CTIF: variants seen among roughly 807,000 people sequenced by gnomAD.
CTIF encodes CBP80/20-dependent translation initiation factor.
CTIF carries 21 observed loss-of-function variants against 66.0 expected under a neutral mutation model. That is an observed-to-expected ratio of 0.32 (90% CI 0.23 to 0.46). The LOEUF is 0.46. CTIF is among the 20% of genes least tolerant of loss of function. The probability of loss-of-function intolerance (pLI) is 1.00; values close to 1 mark genes in which losing one functional copy is unlikely to be tolerated. For missense variants in CTIF, 739 were observed against 812.7 expected, an observed-to-expected ratio of 0.91 and a Z score of 1.10; for synonymous variants, 345 against 326.4, an observed-to-expected ratio of 1.06 and a Z score of -0.62.
chr18:48,602,850 AATGGATGGATGGATGGATGGATGGATGG>A (rs60224766), intron 1 of CTIF, among the ~76,000 whole-genome samples: 2 of 142,550 alleles, frequency 1.4e-5, no homozygotes, highest in Non-Finnish European at 3.1e-5. Flanking sequence ...TGGATGGATG[AATGGATGGATGGATGGATGGATGGATGG>A]ATGGATGGAT....
At chr18:48,590,714 AC>A (rs2089869908) in intron 1 of CTIF, among the ~76,000 whole-genome samples, 1 of 152,190 alleles carries the variant, frequency 6.6e-6, no homozygotes, top group Non-Finnish European at 1.5e-5. Context: ...CCTCGGGAGC[AC>A]GCAAATTGGG....
chr18:48,550,026 A>G (rs1041975355), intron 1 of CTIF, among the ~76,000 whole-genome samples: 3 of 152,164 alleles, frequency 2.0e-5, no homozygotes, highest in Non-Finnish European at 2.9e-5. Context: ...TCTGGCAACC[A>G]CCAACCTGGT....
chr18:48,817,018 C>G (rs1599100262), intron 9 of CTIF, among the ~76,000 whole-genome samples: 1 of 152,112 alleles, frequency 6.6e-6, no homozygotes. Flanking sequence ...CTGGGGACAC[C>G]TGAAGAAGAG....
At chr18:48,641,895 G>A (rs147754406) in intron 3 of CTIF, among the ~76,000 whole-genome samples, 1 of 152,326 alleles carries the variant, frequency 6.6e-6, no homozygotes, top group Non-Finnish European at 1.5e-5. Context: ...GGGGATAACA[G>A]ATGGTAGGTG....
At chr18:48,580,274 G>A (rs1283449800) in intron 1 of CTIF, among the ~76,000 whole-genome samples, 5 of 151,784 alleles carry the variant, frequency 3.3e-5, no homozygotes, top group African/African-American at 1.2e-4. Flanking sequence ...TTTTTAGTGA[G>A]TGGGTCCCCT....
intron 7 of CTIF, among the ~76,000 whole-genome samples, chr18:48,742,183 G>A (rs79591491): frequency 2.8e-4 from 42 of 152,240 alleles, no homozygotes; most frequent in Non-Finnish European, 5.1e-4. Context: ...GACCAGGACC[G>A]TTTCCCGAAG....
intron 10 of CTIF, chr18:48,834,606 G>A (rs1304415734): frequency 5.2e-5 from 8 of 152,550 alleles, no homozygotes; most frequent in African/African-American, 1.7e-4. Flanking sequence ...CCGTCATTAG[G>A]GGGATCCCAC....
chr18:48,787,147 T>C (rs1418679449), intron 9 of CTIF, among the ~76,000 whole-genome samples: 1 of 152,016 alleles, frequency 6.6e-6, no homozygotes. Context: ...AGCAGCTGTG[T>C]GGGGGGCACC....
intron 3 of CTIF, among the ~76,000 whole-genome samples, chr18:48,658,417 T>TGTG (rs1037461198): frequency 7.5e-5 from 5 of 66,232 alleles, no homozygotes; most frequent in Non-Finnish European, 4.4e-5. Flanking sequence ...TGCACATATG[T>TGTG]GTGTTTGGTG....
intron 1 of CTIF, among the ~76,000 whole-genome samples, chr18:48,612,599 T>A (rs1598739149): frequency 6.6e-6 from 1 of 151,920 alleles, no homozygotes; most frequent in African/African-American, 2.4e-5. Context: ...CACAGGAAGG[T>A]GGGGTGAAGA....
intron 1 of CTIF, among the ~76,000 whole-genome samples, chr18:48,590,092 A>C (rs2089857313): frequency 6.6e-6 from 1 of 152,024 alleles, no homozygotes; most frequent in East Asian, 1.9e-4. Flanking sequence ...CCATGTGCAG[A>C]GTTTGTGGAT....
intron 2 of CTIF, among the ~76,000 whole-genome samples, chr18:48,628,372 C>T (rs2090640265): frequency 6.6e-6 from 1 of 152,114 alleles, no homozygotes; most frequent in African/African-American, 2.4e-5. Flanking sequence ...TGAGCCTTGA[C>T]TTAAGAAGTT....
intron 1 of CTIF, among the ~76,000 whole-genome samples, chr18:48,540,925 T>C (rs1024618515): frequency 7.2e-5 from 11 of 152,006 alleles, no homozygotes; most frequent in Non-Finnish European, 1.6e-4. Flanking sequence ...CGTGTGCTGG[T>C]CTTCGGTGCA....
chr18:48,689,025 G>A (rs1232696614), intron 6 of CTIF, among the ~76,000 whole-genome samples: 1 of 152,194 alleles, frequency 6.6e-6, no homozygotes, highest in East Asian at 1.9e-4. Context: ...GCCATGCCGG[G>A]GCACAGAGAG....
chr18:48,726,266 G>A (rs748797046), intron 7 of CTIF, among the ~76,000 whole-genome samples: 3 of 152,200 alleles, frequency 2.0e-5, no homozygotes, highest in Non-Finnish European at 2.9e-5. Context: ...ATAATTTGCT[G>A]GAAATGGAGC....
At chr18:48,777,557 A>G (rs1910805313) in intron 9 of CTIF, among the ~76,000 whole-genome samples, 1 of 152,158 alleles carries the variant, frequency 6.6e-6, no homozygotes, top group Non-Finnish European at 1.5e-5. Flanking sequence ...CAGGAGGGCC[A>G]CCGAGGTCTC....
intron 1 of CTIF, chr18:48,567,052 A>G (rs747232615): frequency 1.3e-5 from 2 of 152,238 alleles, no homozygotes; most frequent in Non-Finnish European, 2.9e-5. Flanking sequence ...CAACTTATGT[A>G]CCTGGCTTTT....
At chr18:48,623,392 C>T (rs1304074507) in intron 2 of CTIF, among the ~76,000 whole-genome samples, 1 of 152,222 alleles carries the variant, frequency 6.6e-6, no homozygotes, top group Non-Finnish European at 1.5e-5. Context: ...GTCACACACA[C>T]ACCTGGGGTA....
At chr18:48,843,573 G>A (rs563957328) in intron 10 of CTIF, among the ~76,000 whole-genome samples, 2 of 152,162 alleles carry the variant, frequency 1.3e-5, no homozygotes, top group South Asian at 2.1e-4. Flanking sequence ...TGAGGCACGG[G>A]GAAGGGAAAT....
Sources: allele counts gnomAD v4.1 joint callset (sites outside exome capture counted in the v4.1 genomes callset), GRCh38; gene constraint gnomAD v4.1.1; transcripts MANE v1.5; gene names NCBI Gene and HGNC (gene_info 2026-07-23, HGNC 2026-07-21).